Variants in ANKRD36 observed in about 807,000 individuals in gnomAD.
The protein encoded by ANKRD36 is ankyrin repeat domain 36, also known as ankyrin repeat domain-containing protein 36A.
Under a neutral mutation model 278.1 loss-of-function variants are expected in ANKRD36, and 179 were observed. The observed-to-expected ratio is 0.64, with a 90% confidence interval of 0.57 to 0.73. The LOEUF (loss-of-function observed/expected upper bound fraction) is 0.73, where lower values mean the gene tolerates loss of function less well. Among genes scored for constraint, ANKRD36 ranks in the 30% least tolerant of loss-of-function variants. ANKRD36 has a pLI of 0.00. For synonymous variants in ANKRD36, 320 were observed against 641.1 expected (o/e 0.50, Z 7.57); for missense variants, 1,159 against 1,956.7 (o/e 0.59, Z 7.69).
intron 17 of ANKRD36, among the ~76,000 whole-genome samples, chr2:97,159,974 G>A (rs137936267): frequency 1.1e-4 from 17 of 150,080 alleles, no homozygotes; most frequent in South Asian, 2.1e-4. Flanking sequence ...TAGTAGAGAC[G>A]GGGTTTCACT....
intron 6 of ANKRD36, among the ~76,000 whole-genome samples, chr2:97,139,303 T>A (rs552826417): frequency 1.1e-4 from 16 of 151,958 alleles, no homozygotes; most frequent in Middle Eastern, 3.4e-3. Context: ...AATTTTTTTT[T>A]AAAAAAAGAA....
intron 67 of ANKRD36, among the ~76,000 whole-genome samples, chr2:97,231,304 G>A (rs918342651): frequency 4.6e-5 from 7 of 152,146 alleles, no homozygotes; most frequent in Non-Finnish European, 8.8e-5. Flanking sequence ...CCCAGTTCAA[G>A]CTGCTTTGTT....
intron 66 of ANKRD36, among the ~76,000 whole-genome samples, chr2:97,220,051 C>CT (rs2066975691): frequency 9.0e-6 from 1 of 111,218 alleles, no homozygotes; most frequent in South Asian, 4.2e-4. Context: ...GATTAGCACA[C>CT]TGTGTGTGTG....
chr2:97,183,696 C>T (rs1158150046), intron 28 of ANKRD36, 42 bp downstream of exon 28: 2 of 1,535,432 alleles, frequency 1.3e-6, no homozygotes, highest in Admixed American at 4.0e-5. Flanking sequence ...GCACTCAAGA[C>T]AGAAGAGAAC....
chr2:97,158,668 G>A lies in ANKRD36; in HGVS notation c.1389+13G>A. Reference sequence around the variant, plus strand: ...AAATGTTGATAAGGTAAATGAAGATGTGGTTAAAAGCCAACATAGAATAAT... The same window carrying A: ...AAATGTTGATAAGGTAAATGAAGATATGGTTAAAAGCCAACATAGAATAAT... On this transcript the variant is annotated intron_variant, in intron 17 of 75. Transcript: ENST00000420699. 6.5e-7 allele frequency: 1 copy of A among 1,535,442 alleles called. No homozygotes were observed. Among genetic ancestry groups the A allele is most frequent in the Non-Finnish European group, 8.7e-7 (1 of 1,146,040 alleles).
At chr2:97,205,210 C>T (rs1466279576) in intron 50 of ANKRD36, among the ~76,000 whole-genome samples, 2 of 151,540 alleles carry the variant, frequency 1.3e-5, no homozygotes, top group Non-Finnish European at 3.0e-5. Context: ...GGCAGTTTTA[C>T]TTTGTAGAAA....
intron 42 of ANKRD36, among the ~76,000 whole-genome samples, chr2:97,198,051 T>G (rs1186849930): frequency 6.6e-6 from 1 of 151,894 alleles, no homozygotes. Context: ...GATGAATGTT[T>G]GTAGTATAAT....
intron 67 of ANKRD36, among the ~76,000 whole-genome samples, chr2:97,231,184 G>C (rs1382489947): frequency 6.6e-6 from 1 of 152,108 alleles, no homozygotes; most frequent in Non-Finnish European, 1.5e-5. Flanking sequence ...ATCATACAGG[G>C]ACATTTAAGT....
At chr2:97,199,994 C>T (rs1321033499) in intron 44 of ANKRD36, among the ~76,000 whole-genome samples, 6 of 151,896 alleles carry the variant, frequency 4.0e-5, no homozygotes, top group Non-Finnish European at 8.8e-5. Context: ...CCTGTTTTGA[C>T]ATTGATTCTC....
intron 62 of ANKRD36, 76 bp from the exon 63 acceptor site, chr2:97,217,101 G>C (rs1258330577): frequency 1.3e-6 from 2 of 1,542,748 alleles, no homozygotes; most frequent in African/African-American, 2.8e-5. Context: ...ACAGCTTGAT[G>C]CTAACACTGC....
chr2:97,178,486 T>C (rs1265787735), intron 22 of ANKRD36, among the ~76,000 whole-genome samples: 4 of 151,786 alleles, frequency 2.6e-5, no homozygotes, highest in Non-Finnish European at 5.9e-5. Flanking sequence ...CACCATGGAA[T>C]ACTATGCAGC....
chr2:97,191,899 C>A (rs951092061), intron 36 of ANKRD36, among the ~76,000 whole-genome samples: 2 of 151,420 alleles, frequency 1.3e-5, no homozygotes, highest in African/African-American at 4.8e-5. Flanking sequence ...AGAAATGAGA[C>A]CAACTTGAAT....
At chr2:97,178,221 CT>C (rs1183597990) in intron 22 of ANKRD36, among the ~76,000 whole-genome samples, 1 of 151,686 alleles carries the variant, frequency 6.6e-6, no homozygotes, top group Non-Finnish European at 1.5e-5. Context: ...CACTTTTACA[CT>C]GTTGGTGGGA....
chr2:97,130,252 G>A (rs952877716), intron 6 of ANKRD36, among the ~76,000 whole-genome samples: 8 of 151,862 alleles, frequency 5.3e-5, no homozygotes, highest in Non-Finnish European at 1.2e-4. Flanking sequence ...TACACCATGG[G>A]ATACTATGCA....
chr2:97,175,278 C>G (rs1254268789), intron 22 of ANKRD36, among the ~76,000 whole-genome samples: 1 of 148,088 alleles, frequency 6.8e-6, no homozygotes, highest in Non-Finnish European at 1.5e-5. Flanking sequence ...GGTTGGTAAG[C>G]TATTGATTAT....
At chr2:97,193,845 T>G (rs1448460407) in intron 38 of ANKRD36, among the ~76,000 whole-genome samples, 1 of 151,664 alleles carries the variant, frequency 6.6e-6, no homozygotes, top group African/African-American at 2.4e-5. Context: ...ATGAAACTTC[T>G]TTAGAGAATA....
rs377047412 is a variant in ANKRD36 at position 97,164,642 on chromosome 2, G to A, written c.1531+173G>A. Among the ~76,000 whole-genome samples, 7 of 152,428 alleles carry A rather than the reference G, an allele frequency of 4.6e-5. No individual in the cohort carries two copies. In the South Asian group the frequency reaches 8.3e-4, roughly 18 times the overall value. ...TAAAATGATTTTTAAGGCATAAGGC[G>A]GACATTTTACACGGTGAGCTCTAGC... On this transcript the variant is annotated intron_variant, in intron 20 of 75. Coordinates refer to ENST00000420699, the MANE Select transcript of ANKRD36 (RefSeq NM_001354587.1).
At chr2:97,157,145 C>T (rs1263083494) in intron 15 of ANKRD36, among the ~76,000 whole-genome samples, 1 of 151,530 alleles carries the variant, frequency 6.6e-6, no homozygotes, top group Non-Finnish European at 1.5e-5. Context: ...CTCTCTCTCT[C>T]TCTCTGTTTG....
chr2:97,148,725 T>C (rs373821144), intron 11 of ANKRD36, among the ~76,000 whole-genome samples: 223 of 144,474 alleles, frequency 1.5e-3, no homozygotes, highest in South Asian at 4.1e-3. Context: ...ACATTTGCAG[T>C]GTTTCAGGGG....
Sources: allele counts gnomAD v4.1 joint callset (sites outside exome capture counted in the v4.1 genomes callset), GRCh38; gene constraint gnomAD v4.1.1; transcripts MANE v1.5; gene names NCBI Gene and HGNC (gene_info 2026-07-23, HGNC 2026-07-21).